Variants in RGPD3 observed in about 807,000 individuals in gnomAD.
RGPD3 encodes ranBP2-like and GRIP domain-containing protein 3.
RGPD3 carries 62 observed loss-of-function variants against 154.5 expected under a neutral mutation model. The ratio of observed to expected loss-of-function variants is 0.40; its 90% confidence interval spans 0.33 to 0.50. RGPD3 has a LOEUF of 0.50. Among genes scored for constraint, RGPD3 ranks in the 20% least tolerant of loss-of-function variants. The pLI is 0.59. For synonymous variants in RGPD3, 308 were observed against 607.0 expected, an observed-to-expected ratio of 0.51 and a Z score of 7.24; for missense variants, 919 against 1,716.8, an observed-to-expected ratio of 0.54 and a Z score of 8.21.
chr2:106,465,466 T>G (rs1451588912), intron 1 of RGPD3, among the ~76,000 whole-genome samples: 1 of 151,998 alleles, frequency 6.6e-6, no homozygotes, highest in Non-Finnish European at 1.5e-5. Context: ...GTTATGTAGT[T>G]GAAAGAACAT....
chr2:106,405,049 T>C lies in RGPD3; in HGVS notation c.*170A>G. On this transcript the variant is annotated 3_prime_UTR_variant, in exon 23 of 23. Coordinates refer to ENST00000409886, the MANE Select transcript of RGPD3 (RefSeq NM_001144013.2). ...TCTGTCATATAGATGTACAAATATA[T>C]GTAAATGCAAACATATACACACTTT... 1.4e-6 allele frequency: 1 copy of C among 732,952 alleles called. No homozygotes were observed. The highest frequency in any genetic ancestry group is 1.9e-5 in the South Asian group (1 of 52,868). The allele number at this position is 732,952 out of a possible 1,614,324, so 45.4% of individuals were successfully genotyped here. A position where few individuals can be genotyped will look rare whatever the true frequency, so the allele number is the denominator to read the frequency against.
intron 22 of RGPD3, among the ~76,000 whole-genome samples, chr2:106,412,321 T>TTTGTTTTTTG (rs1558833079): frequency 1.0e-5 from 1 of 99,978 alleles, no homozygotes; most frequent in Non-Finnish European, 2.1e-5. Flanking sequence ...TTTTTTTTTT[T>TTTGTTTTTTG]TTTTTTTTTT....
chr2:106,449,859 T>C (rs1313129738), intron 6 of RGPD3, among the ~76,000 whole-genome samples: 1 of 151,086 alleles, frequency 6.6e-6, no homozygotes, highest in Non-Finnish European at 1.5e-5. Flanking sequence ...CTACTAAAAA[T>C]ACAAAAAATT....
chr2:106,421,613 C>T (rs1308706352), intron 20 of RGPD3, among the ~76,000 whole-genome samples: 2 of 151,954 alleles, frequency 1.3e-5, no homozygotes, highest in Non-Finnish European at 1.5e-5. Context: ...TAAAAATGAT[C>T]TGTGCAACAT....
intron 22 of RGPD3, among the ~76,000 whole-genome samples, chr2:106,411,557 G>A (rs1421508423): frequency 6.6e-6 from 1 of 151,246 alleles, no homozygotes; most frequent in Non-Finnish European, 1.5e-5. Flanking sequence ...GGCCGGGCGT[G>A]GTGGCTCACA....
In RGPD3 at chr2:106,433,292, A is replaced by C. The variant is rs1463532622; in HGVS notation, c.2206-7T>G. On this transcript the variant is annotated splice_polypyrimidine_tract_variant and splice_region_variant and intron_variant, in intron 15 of 22. Coordinates refer to ENST00000409886, the MANE Select transcript of RGPD3 (RefSeq NM_001144013.2). ...ACTCCAGGGGCACAGGCAACTAAAA[A>C]TAAAAGACATTAATTAAGGGCTTTC... is the stretch of plus-strand genomic sequence containing the variant. 1 of 1,602,588 alleles carries C rather than the reference A, an allele frequency of 6.2e-7. No homozygotes were observed. Among genetic ancestry groups the C allele is most frequent in the Non-Finnish European group, 8.5e-7 (1 of 1,178,020 alleles).
Position 106,438,326 on chromosome 2 carries a change from T to TA in RGPD3, c.1276+641dup, listed in dbSNP as rs796847938. On this transcript the variant is annotated intron_variant, in intron 9 of 22. Coordinates refer to ENST00000409886, the MANE Select transcript of RGPD3 (RefSeq NM_001144013.2). ...AAAGGGAGACCCTGTCTCTACCAAT[T>TA]AAAAAAAAAAAATTATCTGGGCCGA... Among the ~76,000 whole-genome samples, 121 of 144,220 alleles carry TA rather than the reference T, an allele frequency of 8.4e-4. 1 individual carries two copies. The East Asian group carries it at 0.015, about 17-fold the overall frequency. The allele number at this position is 144,220 out of a possible 152,430, so 94.6% of individuals were successfully genotyped here. A position where few individuals can be genotyped will look rare whatever the true frequency, so the allele number is the denominator to read the frequency against.
At chr2:106,459,007 C>T (rs1399656910) in intron 2 of RGPD3, among the ~76,000 whole-genome samples, 1 of 145,238 alleles carries the variant, frequency 6.9e-6, no homozygotes, top group Non-Finnish European at 1.5e-5. Flanking sequence ...CAACAGAAGA[C>T]AATTTTTAGA....
upstream of RGPD3, among the ~76,000 whole-genome samples, chr2:106,468,913 G>C (rs1478400390): frequency 7.0e-6 from 1 of 141,934 alleles, no homozygotes; most frequent in Non-Finnish European, 1.5e-5. Context: ...CAACAAATGA[G>C]ACCAGTATTT....
At chr2:106,464,131 G>A (rs1410809832) in intron 1 of RGPD3, among the ~76,000 whole-genome samples, 2 of 152,080 alleles carry the variant, frequency 1.3e-5, no homozygotes, top group Non-Finnish European at 2.9e-5. Context: ...GGATCATGAG[G>A]TCAGGAGATC....
chr2:106,409,141 T>C (rs1010467420), intron 22 of RGPD3, among the ~76,000 whole-genome samples: 29 of 152,154 alleles, frequency 1.9e-4, no homozygotes, highest in African/African-American at 6.7e-4. Context: ...ATGAGAGAGG[T>C]AAAAGGTACT....
intron 22 of RGPD3, among the ~76,000 whole-genome samples, chr2:106,412,048 T>G (rs1423967373): frequency 6.8e-6 from 1 of 146,774 alleles, no homozygotes; most frequent in African/African-American, 2.5e-5. Context: ...GCCAAAAGAT[T>G]GTCCATGAGT....
intron 22 of RGPD3, among the ~76,000 whole-genome samples, chr2:106,407,506 G>A (rs977402222): frequency 5.9e-5 from 9 of 151,268 alleles, no homozygotes; most frequent in African/African-American, 1.5e-4. Flanking sequence ...TCCAAGTGAG[G>A]TAACCTTGTT....
At chr2:106,454,177 C>T (rs1483898635) in intron 4 of RGPD3, among the ~76,000 whole-genome samples, 21 of 73,050 alleles carry the variant, frequency 2.9e-4, no homozygotes, top group African/African-American at 1.1e-3. Flanking sequence ...AACTTATAAC[C>T]TAGATTCATC....
chr2:106,465,019 A>G (rs1250920547), intron 1 of RGPD3, among the ~76,000 whole-genome samples: 4 of 151,530 alleles, frequency 2.6e-5, no homozygotes, highest in Non-Finnish European at 5.9e-5. Context: ...GGGAGTAGAA[A>G]AATGGCAAAA....
chr2:106,465,728 A>AT lies in RGPD3; in HGVS notation c.72+2488dup, dbSNP rs879651342. ...ACTAACGATTTGTAAGAACTTTAGA[A>AT]TTTTTTTTTTTTAAGCAAAGTCAGC... On this transcript the variant is annotated intron_variant, in intron 1 of 22. Transcript: ENST00000409886. Among the ~76,000 whole-genome samples the AT allele has an allele frequency of 5.5e-4, 81 of 147,348 alleles. 1 individual carries two copies. The South Asian group carries it at 7.1e-3, about 13-fold the overall frequency.
At position 106,418,075 on chromosome 2, in the gene RGPD3, C is replaced by G. The variant is rs1421598728; in HGVS notation, c.4925-2086G>C. The stretch of plus-strand genomic sequence containing the variant: ...GCCAGGAGGCGGAGGTTGTAGTGAG[C>G]CAAGATCACGCCACTGCACTTCAGC... On this transcript the variant is annotated intron_variant, in intron 20 of 22. Coordinates refer to ENST00000409886, the MANE Select transcript of RGPD3 (RefSeq NM_001144013.2). 1.4e-5 allele frequency among the ~76,000 whole-genome samples: 2 copies of G among 144,528 alleles called. 1 individual carries two copies. The highest frequency in any genetic ancestry group is 1.4e-4 in the Admixed American group (2 of 14,232). 94.8% of individuals were successfully genotyped at this position (144,528 alleles called of 152,430 possible).
chr2:106,411,816 TCAAA>T (rs1558832745), intron 22 of RGPD3, among the ~76,000 whole-genome samples: 3 of 152,220 alleles, frequency 2.0e-5, no homozygotes, highest in South Asian at 4.2e-4. Flanking sequence ...ACACTACGTC[TCAAA>T]CAAACAAAAA....
Position 106,432,929 on chromosome 2 carries a change from AC to A in RGPD3, c.2469+5del. The A allele has an allele frequency of 1.9e-6, 3 of 1,592,148 alleles. No homozygotes were observed. In the African/African-American group the frequency reaches 4.2e-5, roughly 22 times the overall value. On this transcript the variant is annotated splice_donor_5th_base_variant and intron_variant, in intron 17 of 22. Coordinates refer to ENST00000409886, the MANE Select transcript of RGPD3 (RefSeq NM_001144013.2). ...AAAGTACAGCTAGAGAAATTAAGTG[AC>A]TTACCTTAATGGCCTTTACTTCTTG...
Sources: allele counts gnomAD v4.1 joint callset (sites outside exome capture counted in the v4.1 genomes callset), GRCh38; gene constraint gnomAD v4.1.1; transcripts MANE v1.5; gene names NCBI Gene and HGNC (gene_info 2026-07-23, HGNC 2026-07-21).